IL17RE: variants seen among roughly 807,000 people sequenced by gnomAD.
IL17RE encodes the protein interleukin 17 receptor E, also known as interleukin-17 receptor E.
IL17RE carries 47 observed loss-of-function variants against 70.7 expected under a neutral mutation model. The observed-to-expected ratio is 0.67, with a 90% CI of 0.53 to 0.85. IL17RE has a LOEUF of 0.85. Among genes scored for constraint, IL17RE ranks in the 40% least tolerant of loss-of-function variants. IL17RE has a pLI of 0.00. For missense variants in IL17RE, 850 were observed against 893.9 expected, an observed-to-expected ratio of 0.95 and a Z score of 0.63; for synonymous variants, 372 against 381.2, an observed-to-expected ratio of 0.98 and a Z score of 0.28.
chr3:9,905,449 C>G (rs1490998953), intron 3 of IL17RE, among the ~76,000 whole-genome samples: 1 of 151,816 alleles, frequency 6.6e-6, no homozygotes, highest in African/African-American at 2.4e-5. Flanking sequence ...GAGCAAAATC[C>G]TGTCAAGAAA....
chr3:9,906,034 G>A (rs2082746832), intron 3 of IL17RE, among the ~76,000 whole-genome samples: 1 of 150,984 alleles, frequency 6.6e-6, no homozygotes, highest in Non-Finnish European at 1.5e-5. Flanking sequence ...CGGATCACCT[G>A]AGGTTGGGAG....
In IL17RE at chr3:9,911,450, C is replaced by T. The variant is rs544081241; in HGVS notation, c.1080C>T (p.Leu360=). The T allele has an allele frequency of 6.7e-5, 108 of 1,614,166 alleles. 1 individual carries two copies. In the South Asian group the frequency reaches 1.1e-3, roughly 17 times the overall value. ...CCACCCCGCCCCAAACAGGGTCTCT[C>T]ACATCCTGGAATGTAAGCATGGATA... The part of the protein sequence containing the change: ...HVECPHQTGS[L]TSWNVSMDTQ... The change falls in exon 12 of 16, where the codon CTC becomes CTT. Residue 360 remains leucine (L), a synonymous_variant. Transcript: ENST00000383814.
At chr3:9,908,062 C>A in intron 6 of IL17RE, among the ~76,000 whole-genome samples, 177 bp from the exon 7 acceptor site, 1 of 152,168 alleles carries the variant, frequency 6.6e-6, no homozygotes, top group Non-Finnish European at 1.5e-5. Flanking sequence ...GCACCTAGAG[C>A]TAATGATTAG....
rs1268874478 is a variant in IL17RE at position 9,906,029 on chromosome 3, CACCTGAGG to C, written c.269-334_269-327del. On this transcript the variant is annotated intron_variant, in intron 3 of 15. Coordinates refer to ENST00000383814, the MANE Select transcript of IL17RE (RefSeq NM_153480.2). Reference sequence around the variant, plus strand: ...CTTTGGGAGGCCGAGGCGGGCGGATCACCTGAGGTTGGGAGTTCGAGACCAGCCTGACC... The same window carrying C: ...CTTTGGGAGGCCGAGGCGGGCGGATCTTGGGAGTTCGAGACCAGCCTGACC... 3.7e-3 allele frequency among the ~76,000 whole-genome samples: 559 copies of C among 152,126 alleles called. 13 individuals are homozygous for C. The highest frequency in any genetic ancestry group is 0.03 in the South Asian group (144 of 4,812).
chr3:9,907,413 A>T (rs759647295), intron 6 of IL17RE, among the ~76,000 whole-genome samples: 3 of 152,044 alleles, frequency 2.0e-5, no homozygotes, highest in South Asian at 2.1e-4. Flanking sequence ...TAATTAAATT[A>T]AATTTAAAGA....
At chr3:9,909,363 A>G (rs1575487829) in intron 8 of IL17RE, 80 bp downstream of exon 8, 1 of 1,153,308 alleles carries the variant, frequency 8.7e-7, no homozygotes, top group East Asian at 2.4e-5. Flanking sequence ...GTACACACAC[A>G]CACACACACA....
At chr3:9,911,699 C>A in intron 12 of IL17RE, 102 bp downstream of exon 12, 2 of 1,141,252 alleles carry the variant, frequency 1.8e-6, no homozygotes, top group Non-Finnish European at 2.5e-6. Flanking sequence ...ACAAACAAAT[C>A]CCTGACTTTT....
intron 1 of IL17RE, 98 bp downstream of exon 1, chr3:9,903,162 C>T: frequency 8.5e-7 from 1 of 1,176,072 alleles, no homozygotes; most frequent in Non-Finnish European, 1.2e-6. Context: ...TCCCTGTGCT[C>T]TGGTGGCAGC....
chr3:9,915,617 C>A lies in IL17RE; in HGVS notation c.1814C>A (p.Pro605Gln). 3 of 1,413,130 alleles carry A rather than the reference C, an allele frequency of 2.1e-6. No homozygotes were observed. Among genetic ancestry groups the A allele is most frequent in the South Asian group, 1.5e-5 (1 of 68,294 alleles). The allele number at this position is 1,413,130 out of a possible 1,614,324, so 87.5% of individuals were successfully genotyped here. A position where few individuals can be genotyped will look rare whatever the true frequency, so the allele number is the denominator to read the frequency against. Residue 605 changes from proline (P) to glutamine (Q), a missense_variant, in exon 16 of 16, where the codon CCG (proline) becomes CAG (glutamine). By Grantham distance (76) the Pro-to-Gln change is moderately conservative. Coordinates refer to ENST00000383814, the MANE Select transcript of IL17RE (RefSeq NM_153480.2). The surrounding 1 kb of genome is among the most constrained non-coding windows in gnomAD (Gnocchi z 4.9). ...CTCTGCGCCAAGGGCGACATCCCCC[C>A]GCCGCTGCGCGCCCTGCCGCGCTAC... ...SRLCAKGDIP[P>Q]PLRALPRYRL...
intron 15 of IL17RE, 54 bp downstream of exon 15, chr3:9,914,831 G>T (rs973791937): frequency 2.1e-5 from 30 of 1,431,998 alleles, no homozygotes; most frequent in Non-Finnish European, 2.9e-5. Flanking sequence ...TCGGAGACTA[G>T]CTGCCCCCTC....
Position 9,911,181 on chromosome 3 carries a change from C to T in IL17RE, c.1026+7C>T. The T allele has an allele frequency of 6.2e-7, 1 of 1,614,164 alleles. No individual in the cohort carries two copies. Among genetic ancestry groups the T allele is most frequent in the Non-Finnish European group, 8.5e-7 (1 of 1,180,012 alleles). On this transcript the variant is annotated splice_region_variant and intron_variant, in intron 10 of 15. Coordinates refer to ENST00000383814, the MANE Select transcript of IL17RE (RefSeq NM_153480.2). Reference sequence around the variant, plus strand: ...CCCCCAGCTCTGCTTCAAGGTACAACCATGGGTAAGAAAAGATGTGGTGTA... The same window carrying T: ...CCCCCAGCTCTGCTTCAAGGTACAATCATGGGTAAGAAAAGATGTGGTGTA...
At position 9,914,703 on chromosome 3, in the gene IL17RE, T is replaced by G; in HGVS notation, c.1373T>G (p.Leu458Trp). Reference protein sequence around the residue: ...PDVSYRHLGLLILALLALLTL... With the variant: ...PDVSYRHLGLWILALLALLTL... ...GTCTCTTACAGACACCTGGGGCTCTTGATCCTGGCACTGCTGGCCCTCCTC... is the reference window on the plus strand; with the variant it reads ...GTCTCTTACAGACACCTGGGGCTCTGGATCCTGGCACTGCTGGCCCTCCTC... Residue 458 changes from leucine (L) to tryptophan (W), a missense_variant, in exon 15 of 16, where the codon TTG becomes TGG. Leu to Trp is a moderately conservative substitution (Grantham distance 61, BLOSUM62 -2). Transcript: ENST00000383814. 1 of 1,614,166 alleles carries G rather than the reference T, an allele frequency of 6.2e-7. No homozygotes were observed.
intron 6 of IL17RE, among the ~76,000 whole-genome samples, chr3:9,907,439 C>G: frequency 6.6e-6 from 1 of 151,838 alleles, no homozygotes; most frequent in East Asian, 1.9e-4. Context: ...TTGGACTAGA[C>G]AGAAAAGGCA....
Position 9,908,278 on chromosome 3 carries a change from G to A in IL17RE, c.706G>A (p.Glu236Lys). The change falls in exon 7 of 16, where the codon GAA becomes AAA. Residue 236 changes from glutamate to lysine, a missense_variant. Coordinates refer to ENST00000383814, the MANE Select transcript of IL17RE (RefSeq NM_153480.2). ...SGGHTVELPYEFLLPCLCIEA... is the reference protein window; with the variant it reads ...SGGHTVELPYKFLLPCLCIEA... Reference sequence around the variant, plus strand: ...GGGCCACACTGTAGAGCTGCCTTATGAATTCCTTCTGCCCTGTCTGTGCAT... The same window carrying A: ...GGGCCACACTGTAGAGCTGCCTTATAAATTCCTTCTGCCCTGTCTGTGCAT... The A allele has an allele frequency of 6.2e-7, 1 of 1,614,186 alleles. No individual in the cohort carries two copies. Among genetic ancestry groups the A allele is most frequent in the Non-Finnish European group, 8.5e-7 (1 of 1,180,026 alleles).
intron 13 of IL17RE, 130 bp downstream of exon 13, chr3:9,914,154 T>G (rs781626681): frequency 1.3e-6 from 1 of 766,236 alleles, no homozygotes; most frequent in African/African-American, 1.7e-5. Context: ...TTGAAATTGC[T>G]TACCACCATT....
chr3:9,907,267 G>A (rs527516456), intron 6 of IL17RE, among the ~76,000 whole-genome samples, 167 bp downstream of exon 6: 1 of 152,136 alleles, frequency 6.6e-6, no homozygotes, highest in Non-Finnish European at 1.5e-5. Context: ...GCGTGGCATG[G>A]TGGCTCACAC....
Position 9,914,595 on chromosome 3 carries a change from G to C in IL17RE, c.1344G>C (p.Pro448=). The part of the protein sequence containing the change: ...VQFAWKHLLC[P]DVSYRHLGLL... ...TTGCCTGGAAGCACCTCTTGTGTCC[G>C]GATGGTGAGTTCTTGGGGAGGGGGA... Residue 448 remains proline, a synonymous_variant, in exon 14 of 16, where the codon CCG becomes CCC. Coordinates refer to ENST00000383814, the MANE Select transcript of IL17RE (RefSeq NM_153480.2). 1.9e-6 allele frequency: 3 copies of C among 1,613,690 alleles called. No homozygotes were observed. The highest frequency in any genetic ancestry group is 2.5e-6 in the Non-Finnish European group (3 of 1,179,814).
rs2082830547 is a variant in IL17RE, at chr3:9,909,202, C to A, written c.736-15C>A. The A allele has an allele frequency of 6.2e-7, 1 of 1,611,364 alleles. No individual in the cohort carries two copies. The highest frequency in any genetic ancestry group is 1.3e-5 in the African/African-American group (1 of 74,882). On this transcript the variant is annotated splice_polypyrimidine_tract_variant and intron_variant, in intron 7 of 15. Transcript: ENST00000383814. ...CCATTCCTCTGACCCTCCCCACCTG[C>A]TCCCGTCTCTCCAGGCATCCTACCT...
upstream of IL17RE, chr3:9,902,756 G>A (rs1300041795): frequency 6.5e-7 from 1 of 1,535,034 alleles, no homozygotes; most frequent in African/African-American, 1.4e-5. Flanking sequence ...GGAGGGGAAG[G>A]AATGTGGCCT....
Sources: gnomAD v4.1 joint callset for allele counts (sites outside exome capture counted in the v4.1 genomes callset) on GRCh38, gnomAD v4.1.1 for gene constraint, Gnocchi (gnomAD v3.1) non-coding constraint, MANE v1.5 for transcripts, NCBI Gene and HGNC (gene_info 2026-07-23, HGNC 2026-07-21) for gene names.